The following PUDP variants were observed in gnomAD, a reference collection of about 807,000 sequenced individuals.
PUDP encodes pseudouridine 5'-phosphatase.
A neutral mutation model predicts 9.4 loss-of-function variants in PUDP; 8 were observed. That is an observed-to-expected ratio of 0.85 (90% confidence interval 0.50 to 1.53). PUDP has a LOEUF of 1.53. PUDP is among the 40% of genes most tolerant of loss of function. The pLI is 0.00. For missense variants in PUDP, 188 were observed against 189.7 expected, an observed-to-expected ratio of 0.99 and a Z score of 0.05; for synonymous variants, 99 against 80.7, an observed-to-expected ratio of 1.23 and a Z score of -1.22.
At chrX:6,716,942 A>G (rs2146653388) in intron 1 of PUDP, among the ~76,000 whole-genome samples, 1 of 110,232 alleles carries the variant, frequency 9.1e-6, no homozygotes, top group African/African-American at 3.3e-5. Flanking sequence ...CTAATTTTTT[A>G]ATTTTTTGTA....
chrX:6,880,473 C>A (rs890821042), intron 3 of PUDP, among the ~76,000 whole-genome samples: 2 of 111,797 alleles, frequency 1.8e-5, no homozygotes, highest in Non-Finnish European at 3.8e-5. Flanking sequence ...TTAAGATTGT[C>A]CAAATGTCTT....
At chrX:7,043,438 T>C (rs1929948491) in intron 1 of PUDP, among the ~76,000 whole-genome samples, 1 of 111,950 alleles carries the variant, frequency 8.9e-6, no homozygotes, top group Non-Finnish European at 1.9e-5. Flanking sequence ...CGTTCCACCA[T>C]GAGTGGAAGC....
intron 3 of PUDP, among the ~76,000 whole-genome samples, chrX:7,074,475 G>C (rs1263886280): frequency 8.9e-6 from 1 of 112,692 alleles, no homozygotes; most frequent in Admixed American, 9.4e-5. Context: ...TTGAAATTCC[G>C]TTTAATTGCC....
chrX:7,133,478 G>A (rs751673404), intron 1 of PUDP, among the ~76,000 whole-genome samples: 24 of 112,226 alleles, frequency 2.1e-4, no homozygotes, highest in Admixed American at 9.4e-4. Flanking sequence ...GTGCAGAAGC[G>A]GCAAAGGAAG....
chrX:7,075,601 A>C (rs753272466), intron 3 of PUDP, among the ~76,000 whole-genome samples: 1 of 111,939 alleles, frequency 8.9e-6, no homozygotes, highest in Non-Finnish European at 1.9e-5. Flanking sequence ...TTCAATGAGC[A>C]ATCGTCAGTG....
chrX:6,832,067 A>G, intron 3 of PUDP, among the ~76,000 whole-genome samples: 1 of 112,026 alleles, frequency 8.9e-6, no homozygotes, highest in East Asian at 2.8e-4. Flanking sequence ...TTTGGAGGAA[A>G]ATAACAGGCC....
At chrX:7,129,036 T>C (rs779084919) in intron 1 of PUDP, among the ~76,000 whole-genome samples, 1 of 111,715 alleles carries the variant, frequency 9.0e-6, no homozygotes, top group South Asian at 3.8e-4. Flanking sequence ...GCAGGTGAAA[T>C]TACAAGCTAA....
At position 6,916,231 on chromosome X, in the gene PUDP, CACACACACACACACA is replaced by C. The variant is rs1569122758; in HGVS notation, c.*247+60887_*247+60901del. On this transcript the variant is annotated intron_variant and NMD_transcript_variant, in intron 3 of 3. Coordinates refer to the PUDP transcript ENST00000655425. ...ACACACACACACACACACACACACA[CACACACACACACACA>C]CACCCTGGGGAACTGGTAAATTTGG... is the stretch of plus-strand genomic sequence containing the variant. Among the ~76,000 whole-genome samples the C allele has an allele frequency of 9.1e-3, 949 of 104,393 alleles. 13 individuals are homozygous for C. Among genetic ancestry groups the C allele is most frequent in the African/African-American group, 0.032 (885 of 27,625 alleles). The allele number at this position is 104,393 out of a possible 115,157, so 90.7% of individuals were successfully genotyped here.
chrX:7,077,161 G>C, intron 3 of PUDP, 59 bp downstream of exon 3: 2 of 1,157,043 alleles, frequency 1.7e-6, no homozygotes, highest in Non-Finnish European at 2.3e-6. Context: ...ACACTACATG[G>C]ATATTATTTG....
intron 2 of PUDP, among the ~76,000 whole-genome samples, chrX:7,098,894 T>C (rs1236599298): frequency 9.2e-6 from 1 of 108,380 alleles, no homozygotes; most frequent in Admixed American, 9.7e-5. Flanking sequence ...GGCCAAGAGA[T>C]GCAGGGGAGA....
chrX:7,065,441 T>C (rs1336869975), intron 3 of PUDP, among the ~76,000 whole-genome samples: 1 of 112,466 alleles, frequency 8.9e-6, no homozygotes, highest in Non-Finnish European at 1.9e-5. Context: ...GTGTTGGAAG[T>C]AAGCCAGAGC....
intron 1 of PUDP, among the ~76,000 whole-genome samples, chrX:7,140,788 C>T (rs1212388053): frequency 1.8e-5 from 2 of 111,795 alleles, no homozygotes; most frequent in African/African-American, 6.5e-5. Context: ...TTTGGCAACC[C>T]TGCGTCGAGA....
intron 3 of PUDP, among the ~76,000 whole-genome samples, chrX:7,061,028 G>A (rs1478761013): frequency 8.9e-6 from 1 of 111,770 alleles, no homozygotes; most frequent in African/African-American, 3.3e-5. Flanking sequence ...GAAAACAGAG[G>A]TGGAAGGCAT....
At chrX:6,924,690 G>C (rs1928074710) in intron 3 of PUDP, among the ~76,000 whole-genome samples, 1 of 112,208 alleles carries the variant, frequency 8.9e-6, no homozygotes. Flanking sequence ...TTTTATAATT[G>C]TGATGTCATT....
chrX:6,855,744 T>C (rs1272303235), intron 3 of PUDP, among the ~76,000 whole-genome samples: 1 of 111,776 alleles, frequency 8.9e-6, no homozygotes, highest in Non-Finnish European at 1.9e-5. Context: ...AAAACAAGCT[T>C]CAACCAGTGT....
intron 3 of PUDP, among the ~76,000 whole-genome samples, chrX:6,944,044 A>G (rs907651379): frequency 8.1e-5 from 9 of 111,752 alleles, no homozygotes; most frequent in African/African-American, 2.6e-4. Context: ...GTGGAATTAC[A>G]TGGTTTGGCT....
intron 1 of PUDP, among the ~76,000 whole-genome samples, chrX:7,004,200 T>A (rs1222373080): frequency 8.9e-6 from 1 of 111,944 alleles, no homozygotes. Context: ...ATAATAAGAA[T>A]GAACATCTTA....
intron 3 of PUDP, among the ~76,000 whole-genome samples, chrX:6,799,758 C>A (rs1297940518): frequency 9.0e-6 from 1 of 110,863 alleles, no homozygotes; most frequent in African/African-American, 3.3e-5. Flanking sequence ...ATCACTTGAA[C>A]CCCGGAGGCA....
chrX:7,099,616 C>A (rs954780695), intron 2 of PUDP, among the ~76,000 whole-genome samples: 1 of 111,623 alleles, frequency 9.0e-6, no homozygotes, highest in Non-Finnish European at 1.9e-5. Context: ...AGCTGATGTG[C>A]GAGTGCATCA....
Sources: allele counts gnomAD v4.1 joint callset (sites outside exome capture counted in the v4.1 genomes callset), GRCh38; gene constraint gnomAD v4.1.1; transcripts MANE v1.5; gene names NCBI Gene and HGNC (gene_info 2026-07-23, HGNC 2026-07-21).